The following MVB12B variants were observed in gnomAD, a reference collection of about 807,000 sequenced individuals.
The protein encoded by MVB12B is multivesicular body subunit 12B, also known as ESCRT-I complex subunit MVB12B.
MVB12B carries 16 observed loss-of-function variants against 41.6 expected under a neutral mutation model. The observed-to-expected ratio is 0.38, with a 90% CI of 0.26 to 0.58. The LOEUF is 0.58. MVB12B is among the 20% of genes least tolerant of loss of function. The probability of loss-of-function intolerance (pLI) is 0.62; values close to 1 mark genes in which losing one functional copy is unlikely to be tolerated. For missense variants in MVB12B, 274 were observed against 380.2 expected, an observed-to-expected ratio of 0.72 and a Z score of 2.32; for synonymous variants, 133 against 139.7, an observed-to-expected ratio of 0.95 and a Z score of 0.34.
intron 2 of MVB12B, among the ~76,000 whole-genome samples, chr9:126,370,455 T>C (rs1326733637): frequency 6.7e-6 from 1 of 150,108 alleles, no homozygotes; most frequent in Admixed American, 6.7e-5. Context: ...CCATCTCAGC[T>C]CATTGCAGCC....
chr9:126,470,244 G>A (rs1222803450), intron 7 of MVB12B, among the ~76,000 whole-genome samples: 1 of 152,220 alleles, frequency 6.6e-6, no homozygotes. Context: ...AGCAATGTTT[G>A]CTGAGGAGTA....
chr9:126,494,087 T>G (rs971172424), intron 9 of MVB12B, among the ~76,000 whole-genome samples: 5 of 152,196 alleles, frequency 3.3e-5, no homozygotes, highest in Admixed American at 3.3e-4. Flanking sequence ...TTGCTATTTA[T>G]AGACATTGTT....
chr9:126,488,344 C>CA (rs60489071), intron 9 of MVB12B, among the ~76,000 whole-genome samples: 9 of 132,292 alleles, frequency 6.8e-5, no homozygotes, highest in East Asian at 2.8e-4. Context: ...ACCATTAAAC[C>CA]AAAAAAAAAA....
chr9:126,419,011 C>T (rs1276945319), intron 6 of MVB12B, among the ~76,000 whole-genome samples: 2 of 152,140 alleles, frequency 1.3e-5, no homozygotes, highest in African/African-American at 4.8e-5. Flanking sequence ...TATTTGACCA[C>T]CCAACAGCTC....
rs1396733860 is a variant in MVB12B at position 126,505,718 on chromosome 9, CCA to C, written c.*2457_*2458del. ...TGCACGCACATGCGTGTGTATAAGCCCACCTGAGTGGGGCTCGTGCAGGAGAA... is the reference window on the plus strand; with the variant it reads ...TGCACGCACATGCGTGTGTATAAGCCCCTGAGTGGGGCTCGTGCAGGAGAA... On this transcript the variant is annotated 3_prime_UTR_variant, in exon 10 of 10. Coordinates refer to ENST00000361171, the MANE Select transcript of MVB12B (RefSeq NM_033446.3). The C allele has an allele frequency of 6.6e-6, 1 of 151,856 alleles. No homozygotes were observed. Among genetic ancestry groups the C allele is most frequent in the Admixed American group, 6.6e-5 (1 of 15,232 alleles). 9.4% of individuals were successfully genotyped at this position (151,856 alleles called of 1,614,324 possible). A position where few individuals can be genotyped will look rare whatever the true frequency, so the allele number is the denominator to read the frequency against.
chr9:126,386,436 T>A lies in MVB12B; in HGVS notation c.313-126T>A. The A allele has an allele frequency of 1.5e-6, 1 of 651,956 alleles. No individual in the cohort carries two copies. 40.4% of individuals were successfully genotyped at this position (651,956 alleles called of 1,614,324 possible). ...GGGGACCATTAAGTGTCACCTACTC[T>A]AATTAACCTGCTGTCATAAAGCTGC... On this transcript the variant is annotated intron_variant, in intron 3 of 9. Coordinates refer to ENST00000361171, the MANE Select transcript of MVB12B (RefSeq NM_033446.3). The surrounding 1 kb of genome is among the most constrained non-coding windows in gnomAD (Gnocchi z 4.3).
chr9:126,372,495 T>C (rs34229759), intron 2 of MVB12B, among the ~76,000 whole-genome samples: 51,363 of 152,096 alleles, frequency 0.34, 8,808 homozygotes, highest in South Asian at 0.43. Flanking sequence ...CCACCAGAAG[T>C]GCAGAGGGCT....
At position 126,486,725 on chromosome 9, in the gene MVB12B, C is replaced by T. The variant is rs1374480821; in HGVS notation, c.873+2693C>T. 3.3e-5 allele frequency among the ~76,000 whole-genome samples: 5 copies of T among 152,140 alleles called. No homozygotes were observed. Among genetic ancestry groups the T allele is most frequent in the South Asian group, 2.1e-4 (1 of 4,824 alleles). On this transcript the variant is annotated intron_variant, in intron 9 of 9. Coordinates refer to ENST00000361171, the MANE Select transcript of MVB12B (RefSeq NM_033446.3). The surrounding 1 kb of genome is among the most constrained non-coding windows in gnomAD (Gnocchi z 4.7). ...CCCCAGGCCTCATTCCTCCCTGTGT[C>T]GTGGGGAGAAATGGAGACTCCGAGA... is the stretch of plus-strand genomic sequence containing the variant.
chr9:126,426,490 A>T (rs1832180633), intron 7 of MVB12B, among the ~76,000 whole-genome samples: 2 of 150,744 alleles, frequency 1.3e-5, no homozygotes. Flanking sequence ...CCTGGTCAGG[A>T]CTCTTAGTGG....
chr9:126,496,406 T>C (rs1181664915), intron 9 of MVB12B, among the ~76,000 whole-genome samples: 4 of 102,540 alleles, frequency 3.9e-5, no homozygotes, highest in African/African-American at 1.2e-4. Context: ...ACCCACCCAC[T>C]CACTCACCCA....
At chr9:126,429,204 A>G (rs760585675) in intron 7 of MVB12B, among the ~76,000 whole-genome samples, 4 of 152,206 alleles carry the variant, frequency 2.6e-5, no homozygotes, top group Admixed American at 1.3e-4. Flanking sequence ...ATCATCCCCT[A>G]TAAGAACCCT....
At chr9:126,462,491 G>C (rs751996368) in intron 7 of MVB12B, among the ~76,000 whole-genome samples, 1 of 152,186 alleles carries the variant, frequency 6.6e-6, no homozygotes, top group Non-Finnish European at 1.5e-5. Flanking sequence ...TATTTTTCAA[G>C]ATAATTACAG....
chr9:126,347,849 A>T (rs948332776), intron 2 of MVB12B, among the ~76,000 whole-genome samples: 2 of 152,246 alleles, frequency 1.3e-5, no homozygotes, highest in African/African-American at 4.8e-5. Context: ...CAGCTGTCAC[A>T]TGGATTTTCA....
intron 2 of MVB12B, among the ~76,000 whole-genome samples, chr9:126,366,290 C>T (rs1450266260): frequency 6.6e-6 from 1 of 152,050 alleles, no homozygotes; most frequent in African/African-American, 2.4e-5. Context: ...TTTCCTAATC[C>T]GTATTCTTCT....
chr9:126,469,729 C>T (rs1833273626), intron 7 of MVB12B, among the ~76,000 whole-genome samples: 1 of 152,316 alleles, frequency 6.6e-6, no homozygotes, highest in East Asian at 1.9e-4. Flanking sequence ...CCTTTGGTCT[C>T]GAGCTCACTG....
At chr9:126,368,650 T>C (rs377117996) in intron 2 of MVB12B, among the ~76,000 whole-genome samples, 9 of 152,334 alleles carry the variant, frequency 5.9e-5, no homozygotes, top group African/African-American at 2.2e-4. Context: ...CTAATGCCAA[T>C]ACATCTCGTT....
chr9:126,415,198 GTC>G (rs1831777291), intron 6 of MVB12B, among the ~76,000 whole-genome samples: 1 of 152,134 alleles, frequency 6.6e-6, no homozygotes, highest in Non-Finnish European at 1.5e-5. Context: ...CCTTCCTTCA[GTC>G]TCTCCTTAGA....
intron 6 of MVB12B, among the ~76,000 whole-genome samples, chr9:126,419,815 G>A (rs972979428): frequency 6.6e-6 from 1 of 152,162 alleles, no homozygotes; most frequent in African/African-American, 2.4e-5. Context: ...CACCCGGCCA[G>A]GCCCACTGAA....
intron 7 of MVB12B, among the ~76,000 whole-genome samples, chr9:126,456,733 A>G (rs1212388881): frequency 6.6e-6 from 1 of 152,084 alleles, no homozygotes; most frequent in African/African-American, 2.4e-5. Flanking sequence ...TCTCCTTCCT[A>G]GAGGCCATGT....
Sources: gnomAD v4.1 joint callset for allele counts (sites outside exome capture counted in the v4.1 genomes callset) on GRCh38, gnomAD v4.1.1 for gene constraint, Gnocchi (gnomAD v3.1) non-coding constraint, MANE v1.5 for transcripts, NCBI Gene and HGNC (gene_info 2026-07-23, HGNC 2026-07-21) for gene names.